DSCAM: variants seen among roughly 807,000 people sequenced by gnomAD.
DSCAM encodes the protein cell adhesion molecule DSCAM.
A neutral mutation model predicts 217.7 loss-of-function variants in DSCAM; 47 were observed. The observed-to-expected ratio is 0.22, with a 90% confidence interval of 0.17 to 0.28. The LOEUF is 0.28. Among genes scored for constraint, DSCAM ranks in the 10% least tolerant of loss-of-function variants. The probability of loss-of-function intolerance (pLI) is 1.00; values close to 1 mark genes in which losing one functional copy is unlikely to be tolerated. For missense variants in DSCAM, 2,080 were observed against 2,618.3 expected, an observed-to-expected ratio of 0.79 and a Z score of 4.49; for synonymous variants, 1,056 against 1,015.3, an observed-to-expected ratio of 1.04 and a Z score of -0.76.
intron 3 of DSCAM, among the ~76,000 whole-genome samples, chr21:40,509,683 A>G (rs140671414): frequency 6.6e-6 from 1 of 152,368 alleles, no homozygotes; most frequent in East Asian, 1.9e-4. Flanking sequence ...GAAAGAACTC[A>G]TATGTAATCA....
chr21:40,135,569 C>T lies in DSCAM; in HGVS notation c.3407-1560G>A, dbSNP rs147115919. On this transcript the variant is annotated intron_variant, in intron 18 of 32. Coordinates refer to ENST00000400454, the MANE Select transcript of DSCAM (RefSeq NM_001389.5). ...AATGGGCTGAAAATGGAGGCACCCACGAGCCGTCGTGTCGGCCAGATTAAA... is the reference window on the plus strand; with the variant it reads ...AATGGGCTGAAAATGGAGGCACCCATGAGCCGTCGTGTCGGCCAGATTAAA... Among the ~76,000 whole-genome samples, 643 of 152,318 alleles carry T rather than the reference C, an allele frequency of 4.2e-3. 5 individuals carry two copies. The highest frequency in any genetic ancestry group is 0.015 in the African/African-American group (616 of 41,574).
At chr21:40,168,621 A>G (rs1007261281) in intron 15 of DSCAM, among the ~76,000 whole-genome samples, 1 of 152,228 alleles carries the variant, frequency 6.6e-6, no homozygotes, top group Non-Finnish European at 1.5e-5. Flanking sequence ...CACGGGAGAT[A>G]AGAAAGCTGA....
intron 3 of DSCAM, among the ~76,000 whole-genome samples, chr21:40,404,738 C>T (rs1053824373): frequency 5.3e-5 from 8 of 152,204 alleles, no homozygotes; most frequent in East Asian, 1.9e-4. Flanking sequence ...TGGAGGAAGG[C>T]GTGGTCCCTC....
At chr21:40,377,756 G>A (rs1331031513) in intron 3 of DSCAM, among the ~76,000 whole-genome samples, 1 of 152,068 alleles carries the variant, frequency 6.6e-6, no homozygotes, top group Non-Finnish European at 1.5e-5. Flanking sequence ...CAGGAAAGGA[G>A]TGAGAGGAGG....
intron 3 of DSCAM, among the ~76,000 whole-genome samples, chr21:40,507,652 C>T (rs987286917): frequency 9.2e-5 from 14 of 151,478 alleles, no homozygotes; most frequent in Admixed American, 2.0e-4. Context: ...TAGCTGGGCA[C>T]GGTGTTGTGC....
At chr21:40,822,119 G>A (rs1391853856) in intron 1 of DSCAM, among the ~76,000 whole-genome samples, 1 of 151,696 alleles carries the variant, frequency 6.6e-6, no homozygotes, top group Non-Finnish European at 1.5e-5. Flanking sequence ...GGGAGTTTGA[G>A]ACCAGCCTGG....
At chr21:40,366,309 A>C (rs1160695576) in intron 4 of DSCAM, among the ~76,000 whole-genome samples, 3 of 152,088 alleles carry the variant, frequency 2.0e-5, no homozygotes, top group African/African-American at 4.8e-5. Context: ...TTTGTCAGAC[A>C]TCTATACATT....
chr21:40,361,976 T>C (rs933421020), intron 4 of DSCAM, among the ~76,000 whole-genome samples: 2 of 152,222 alleles, frequency 1.3e-5, no homozygotes, highest in Non-Finnish European at 2.9e-5. Flanking sequence ...CCTGTGTCCA[T>C]GTGTTCTCAT....
In DSCAM at chr21:40,158,569, C is replaced by T. The variant is rs973945648; in HGVS notation, c.3018+8649G>A. Among the ~76,000 whole-genome samples, 3 of 152,286 alleles carry T rather than the reference C, an allele frequency of 2.0e-5. No individual in the cohort carries two copies. The East Asian group carries it at 5.8e-4, about 29-fold the overall frequency. ...ATACTCCACAAGTCCAGATGCAACA[C>T]GTGCCACAGATTCCACACGGGCCCA... On this transcript the variant is annotated intron_variant, in intron 16 of 32. Transcript: ENST00000400454.
chr21:40,453,782 C>T (rs566536566), intron 3 of DSCAM, among the ~76,000 whole-genome samples: 1 of 152,276 alleles, frequency 6.6e-6, no homozygotes, highest in Non-Finnish European at 1.5e-5. Context: ...CAGTCCCTGC[C>T]CTCCTGTAAA....
In DSCAM at chr21:40,012,964, G is replaced by A. The variant is rs533576158; in HGVS notation, c.*70C>T. The stretch of plus-strand genomic sequence containing the variant: ...CTTTAATTATAAATATTGGAATTCC[G>A]TAAAAAAAAGGTAGCTTTGATTGAA... On this transcript the variant is annotated 3_prime_UTR_variant, in exon 33 of 33. Transcript: ENST00000400454. The A allele has an allele frequency of 1.2e-5, 14 of 1,137,106 alleles. No individual in the cohort carries two copies. The highest frequency in any genetic ancestry group is 1.0e-4 in the Admixed American group (3 of 29,930). The allele number at this position is 1,137,106 out of a possible 1,614,324, so 70.4% of individuals were successfully genotyped here.
intron 8 of DSCAM, among the ~76,000 whole-genome samples, chr21:40,336,145 A>G (rs1036372383): frequency 6.6e-6 from 1 of 152,144 alleles, no homozygotes; most frequent in African/African-American, 2.4e-5. Context: ...CAGCACGGCT[A>G]TTTTCAAGCA....
At position 40,339,533 on chromosome 21, in the gene DSCAM, G is replaced by T. The variant is rs147732302; in HGVS notation, c.1211-118C>A. 3,316 of 1,091,120 alleles carry T rather than the reference G, an allele frequency of 3.0e-3. 62 individuals are homozygous for T. In the African/African-American group the frequency reaches 0.04, roughly 13 times the overall value. The allele number at this position is 1,091,120 out of a possible 1,614,324, so 67.6% of individuals were successfully genotyped here. ...GTAGTTGTTAAACATTACCAAAAAG[G>T]TCTGGTTTTCCTGATAAAGCAAAAC... On this transcript the variant is annotated intron_variant, in intron 6 of 32. Coordinates refer to ENST00000400454, the MANE Select transcript of DSCAM (RefSeq NM_001389.5).
chr21:40,448,466 G>C (rs1477444206), intron 3 of DSCAM, among the ~76,000 whole-genome samples: 2 of 151,998 alleles, frequency 1.3e-5, no homozygotes, highest in Non-Finnish European at 2.9e-5. Flanking sequence ...TATACCACTG[G>C]GTCCCCTGGT....
At position 40,822,593 on chromosome 21, in the gene DSCAM, T is replaced by G. The variant is rs145800316; in HGVS notation, c.43+24026A>C. Reference sequence around the variant, plus strand: ...ATAAGCACAGTAAATATTTTCAGGTTAATGAATGCTCTCCTTCTAAGAAAG... The same window carrying G: ...ATAAGCACAGTAAATATTTTCAGGTGAATGAATGCTCTCCTTCTAAGAAAG... On this transcript the variant is annotated intron_variant, in intron 1 of 32. Transcript: ENST00000400454. Among the ~76,000 whole-genome samples, 1,404 of 152,264 alleles carry G rather than the reference T, an allele frequency of 9.2e-3. 18 individuals are homozygous for G. Among genetic ancestry groups the G allele is most frequent in the African/African-American group, 0.032 (1,323 of 41,540 alleles).
chr21:40,439,815 G>A (rs2075614956), intron 3 of DSCAM, among the ~76,000 whole-genome samples: 1 of 152,170 alleles, frequency 6.6e-6, no homozygotes, highest in Admixed American at 6.5e-5. Context: ...CAGATCTCAT[G>A]AGACTTATTC....
chr21:40,641,948 C>T (rs996730877), intron 3 of DSCAM, among the ~76,000 whole-genome samples: 5 of 150,328 alleles, frequency 3.3e-5, no homozygotes, highest in Non-Finnish European at 7.4e-5. Flanking sequence ...CTCGGTAGAC[C>T]GAGGCAGGAG....
chr21:40,783,790 T>C (rs765394931), intron 1 of DSCAM, among the ~76,000 whole-genome samples: 3 of 152,192 alleles, frequency 2.0e-5, no homozygotes, highest in Non-Finnish European at 4.4e-5. Context: ...TGAAGGCAAA[T>C]GACTGTGATG....
At position 40,017,356 on chromosome 21, in the gene DSCAM, T is replaced by C. The variant is rs754994595; in HGVS notation, c.5687-3970A>G. Reference sequence around the variant, plus strand: ...ATGATTCAAAACTCCATTTAGCTTTTTCAGGATATCTTTATTCTACTAAGT... The same window carrying C: ...ATGATTCAAAACTCCATTTAGCTTTCTCAGGATATCTTTATTCTACTAAGT... On this transcript the variant is annotated intron_variant, in intron 32 of 32. Transcript: ENST00000400454. Among the ~76,000 whole-genome samples, 64 of 152,288 alleles carry C rather than the reference T, an allele frequency of 4.2e-4. 1 individual carries two copies. The highest frequency in any genetic ancestry group is 2.5e-4 in the Non-Finnish European group (17 of 68,030).
Sources: gnomAD v4.1 joint callset for allele counts (sites outside exome capture counted in the v4.1 genomes callset) on GRCh38, gnomAD v4.1.1 for gene constraint, MANE v1.5 for transcripts, NCBI Gene and HGNC (gene_info 2026-07-23, HGNC 2026-07-21) for gene names.